ZNF892: variants seen among roughly 807,000 people sequenced by gnomAD.
The protein encoded by ZNF892 is zinc finger protein 570-like.
At chr2:95,241,176 T>C in the ZNF892 span, among the ~76,000 whole-genome samples, 1 of 152,196 alleles carries the variant, frequency 6.6e-6, no homozygotes, top group Non-Finnish European at 1.5e-5. Context: ...ACTGCTTCTT[T>C]AAGTGGATCC....
the ZNF892 span, among the ~76,000 whole-genome samples, chr2:95,262,981 C>T: frequency 6.6e-6 from 1 of 152,188 alleles, no homozygotes. Context: ...AAATGTCATT[C>T]AAGGTATGGC....
the ZNF892 span, among the ~76,000 whole-genome samples, chr2:95,210,059 C>A: frequency 1.3e-5 from 2 of 149,550 alleles, no homozygotes; most frequent in African/African-American, 4.9e-5. Flanking sequence ...CAAAATTAAC[C>A]GTTCGATTCA....
the ZNF892 span, among the ~76,000 whole-genome samples, chr2:95,246,580 G>A: frequency 2.0e-5 from 3 of 151,186 alleles, no homozygotes; most frequent in East Asian, 5.8e-4. Context: ...ATTGTCTTTG[G>A]AGATGACATG....
the ZNF892 span, among the ~76,000 whole-genome samples, chr2:95,247,559 G>C: frequency 6.6e-6 from 1 of 152,120 alleles, no homozygotes; most frequent in Non-Finnish European, 1.5e-5. Context: ...ACCATCAACA[G>C]AGTAAACAGA....
the ZNF892 span, among the ~76,000 whole-genome samples, chr2:95,233,499 G>A: frequency 6.6e-6 from 1 of 150,490 alleles, no homozygotes; most frequent in Admixed American, 6.6e-5. Context: ...CGGTGAAACC[G>A]CATCTCTACT....
the ZNF892 span, among the ~76,000 whole-genome samples, chr2:95,245,662 C>T: frequency 6.7e-6 from 1 of 150,172 alleles, no homozygotes; most frequent in African/African-American, 2.4e-5. Flanking sequence ...CAAATAAACA[C>T]AATCAGAAAT....
chr2:95,256,299 T>C, the ZNF892 span, among the ~76,000 whole-genome samples: 1 of 152,220 alleles, frequency 6.6e-6, no homozygotes, highest in African/African-American at 2.4e-5. Flanking sequence ...TTTGCTTGTC[T>C]GTAAAGGATT....
chr2:95,242,715 C>A, the ZNF892 span, among the ~76,000 whole-genome samples: 1 of 152,150 alleles, frequency 6.6e-6, no homozygotes, highest in African/African-American at 2.4e-5. Context: ...GAATAAAGAG[C>A]CAAGACCCAT....
At chr2:95,228,703 C>T in the ZNF892 span, among the ~76,000 whole-genome samples, 1 of 152,136 alleles carries the variant, frequency 6.6e-6, no homozygotes, top group African/African-American at 2.4e-5. Context: ...TTATTCCTCC[C>T]ACATTTAGTG....
chr2:95,233,886 G>A, the ZNF892 span, among the ~76,000 whole-genome samples: 1 of 151,552 alleles, frequency 6.6e-6, no homozygotes, highest in Admixed American at 6.6e-5. Flanking sequence ...CACCATGTTG[G>A]GCAGGCTAGT....
At chr2:95,254,532 C>G in the ZNF892 span, among the ~76,000 whole-genome samples, 2 of 152,152 alleles carry the variant, frequency 1.3e-5, no homozygotes, top group African/African-American at 4.8e-5. Flanking sequence ...GGATATTGGT[C>G]TAAAATTCTC....
chr2:95,255,979 A>T, the ZNF892 span, among the ~76,000 whole-genome samples: 1 of 152,056 alleles, frequency 6.6e-6, no homozygotes, highest in South Asian at 2.1e-4. Flanking sequence ...GTGTCTCTGC[A>T]CTTGAGATTG....
At chr2:95,226,699 T>C in the ZNF892 span, among the ~76,000 whole-genome samples, 1 of 152,158 alleles carries the variant, frequency 6.6e-6, no homozygotes, top group Non-Finnish European at 1.5e-5. Context: ...GACAGGTCTG[T>C]GGTTATTGAC....
At chr2:95,230,718 A>G in the ZNF892 span, among the ~76,000 whole-genome samples, 1 of 152,164 alleles carries the variant, frequency 6.6e-6, no homozygotes, top group South Asian at 2.1e-4. Flanking sequence ...CTTGCACCAA[A>G]TCTGGAATCA....
At chr2:95,240,751 T>C in the ZNF892 span, among the ~76,000 whole-genome samples, 1 of 152,202 alleles carries the variant, frequency 6.6e-6, no homozygotes, top group Non-Finnish European at 1.5e-5. Flanking sequence ...GGAGTCTGCC[T>C]GAGACAGGAC....
chr2:95,257,642 T>C, the ZNF892 span, among the ~76,000 whole-genome samples: 1 of 152,216 alleles, frequency 6.6e-6, no homozygotes, highest in East Asian at 1.9e-4. Flanking sequence ...CTGCCTTTTG[T>C]TTGGCTATGC....
At chr2:95,248,553 A>G in the ZNF892 span, among the ~76,000 whole-genome samples, 1 of 152,184 alleles carries the variant, frequency 6.6e-6, no homozygotes, top group African/African-American at 2.4e-5. Flanking sequence ...TTGATAGGAT[A>G]TAGACTTTTT....
At chr2:95,215,127 G>A in the ZNF892 span, 1 of 481,764 alleles carries the variant, frequency 2.1e-6, no homozygotes, top group Non-Finnish European at 3.7e-6. Context: ...TAAGTGTAAC[G>A]AATGTGGCAA....
chr2:95,208,399 T>C, the ZNF892 span, among the ~76,000 whole-genome samples: 1 of 152,244 alleles, frequency 6.6e-6, no homozygotes, highest in Admixed American at 6.5e-5. Flanking sequence ...ACTTAGCACA[T>C]GCAATATAAA....
Sources: gnomAD v4.1 joint callset for allele counts (sites outside exome capture counted in the v4.1 genomes callset) on GRCh38, gnomAD v4.1.1 for gene constraint, MANE v1.5 for transcripts, NCBI Gene and HGNC (gene_info 2026-07-23, HGNC 2026-07-21) for gene names.